Variants in ZKSCAN8 observed in about 807,000 individuals in gnomAD.
ZKSCAN8 encodes zinc finger with KRAB and SCAN domains 8.
ZKSCAN8 carries 27 observed loss-of-function variants against 57.2 expected under a neutral mutation model. The ratio of observed to expected loss-of-function variants is 0.47; its 90% CI spans 0.35 to 0.65. The LOEUF (loss-of-function observed/expected upper bound fraction) is 0.65. ZKSCAN8 is among the 30% of genes least tolerant of loss of function. ZKSCAN8 has a pLI of 0.01. For missense variants in ZKSCAN8, 597 were observed against 696.3 expected, an observed-to-expected ratio of 0.86 and a Z score of 1.60; for synonymous variants, 214 against 248.7, an observed-to-expected ratio of 0.86 and a Z score of 1.31.
rs1765742573 is a variant in ZKSCAN8, at chr6:28,155,153, ATATCCACAGTGGTAAT to A, written c.*1137_*1152del. The A allele has an allele frequency of 6.6e-6, 1 of 152,272 alleles. No individual in the cohort carries two copies. Among genetic ancestry groups the A allele is most frequent in the Non-Finnish European group, 1.5e-5 (1 of 68,008 alleles). The allele number at this position is 152,272 out of a possible 1,614,324, so 9.4% of individuals were successfully genotyped here. ...CTTGCCATTAGTTTATATGACTTTA[ATATCCACAGTGGTAAT>A]CTAATACCTTACCTCACAGGTTTTC... On this transcript the variant is annotated 3_prime_UTR_variant, in exon 6 of 6. Coordinates refer to ENST00000330236, the MANE Select transcript of ZKSCAN8 (RefSeq NM_006298.4).
At position 28,155,882 on chromosome 6, in the gene ZKSCAN8, G is replaced by C. The variant is rs1041488139; in HGVS notation, c.*1865G>C. 1 of 339,710 alleles carries C rather than the reference G, an allele frequency of 2.9e-6. No individual in the cohort carries two copies. Among genetic ancestry groups the C allele is most frequent in the Admixed American group, 4.8e-5 (1 of 20,978 alleles). 21.0% of individuals were successfully genotyped at this position (339,710 alleles called of 1,614,324 possible). A position where few individuals can be genotyped will look rare whatever the true frequency, so the allele number is the denominator to read the frequency against. On this transcript the variant is annotated 3_prime_UTR_variant, in exon 6 of 6. Transcript: ENST00000330236. ...TGGTGAATGAAGACACCCATCACTT[G>C]TCATGTTGGTTTCCAACAGTCCTTT...
At chr6:28,148,906 G>A in intron 2 of ZKSCAN8, 82 bp downstream of exon 2, 3 of 1,458,936 alleles carry the variant, frequency 2.1e-6, no homozygotes, top group Non-Finnish European at 2.8e-6. Flanking sequence ...CAGTGGGAGA[G>A]CAGATGCTTA....
In ZKSCAN8 at chr6:28,153,127, G is replaced by A. The variant is rs1450750511; in HGVS notation, c.847G>A (p.Gly283Arg). 12 of 1,614,190 alleles carry A rather than the reference G, an allele frequency of 7.4e-6. No individual in the cohort carries two copies. Among genetic ancestry groups the A allele is most frequent in the Non-Finnish European group, 1.0e-5 (12 of 1,180,042 alleles). The change falls in exon 6 of 6, where the codon GGA becomes AGA. Residue 283 changes from glycine (G) to arginine (R), a missense_variant. Coordinates refer to ENST00000330236, the MANE Select transcript of ZKSCAN8 (RefSeq NM_006298.4). ...AATATCTACTGGAATCCAGCCACAT[G>A]GAGAGACAGCTGCCAAATGCAACGG... ...QVISTGIQPHGETAAKCNGDV... is the reference protein window; with the variant it reads ...QVISTGIQPHRETAAKCNGDV...
intron 1 of ZKSCAN8, among the ~76,000 whole-genome samples, chr6:28,146,775 A>G (rs1765411871): frequency 6.6e-6 from 1 of 152,240 alleles, no homozygotes; most frequent in Non-Finnish European, 1.5e-5. Context: ...GTCAATAAAC[A>G]GAACAGAGAT....
intron 3 of ZKSCAN8, 132 bp from the exon 4 acceptor site, chr6:28,151,713 A>C: frequency 1.4e-6 from 1 of 693,860 alleles, no homozygotes; most frequent in Middle Eastern, 2.5e-4. Flanking sequence ...CCAAGATATC[A>C]GCACTTCATG....
chr6:28,144,133 C>G lies in ZKSCAN8; in HGVS notation c.-93+2104C>G, dbSNP rs1257878289. Among the ~76,000 whole-genome samples the G allele has an allele frequency of 6.6e-6, 1 of 152,184 alleles. No homozygotes were observed. The highest frequency in any genetic ancestry group is 1.5e-5 in the Non-Finnish European group (1 of 68,036). ...TCCACCCTGTTGTTCCCGGCCTTGTCTAACTTGAAAAATAATTTTCAAATT... is the reference window on the plus strand; with the variant it reads ...TCCACCCTGTTGTTCCCGGCCTTGTGTAACTTGAAAAATAATTTTCAAATT... On this transcript the variant is annotated intron_variant, in intron 1 of 5. Coordinates refer to ENST00000330236, the MANE Select transcript of ZKSCAN8 (RefSeq NM_006298.4). The surrounding 1 kb of genome is among the most constrained non-coding windows in gnomAD (Gnocchi z 4.5).
rs754037685 is a variant in ZKSCAN8 at position 28,151,926 on chromosome 6, C to A, written c.641C>A (p.Ala214Glu). 7.4e-6 allele frequency: 12 copies of A among 1,614,004 alleles called. No homozygotes were observed. In the South Asian group the frequency reaches 1.3e-4, roughly 18 times the overall value. Residue 214 changes from alanine to glutamate, a missense_variant, in exon 4 of 6, where the codon GCA (alanine) becomes GAA (glutamate). Transcript: ENST00000330236. ...DQEMTATLLTAGFQTLEKIED... is the reference protein window; with the variant it reads ...DQEMTATLLTEGFQTLEKIED... ...GAAATGACAGCTACACTTCTCACAG[C>A]AGGGTTCCAGGTGAGTTGTGCTCCT...
In ZKSCAN8 at chr6:28,153,197, TG is replaced by T; in HGVS notation, c.920del (p.Gly307AlafsTer3). On this transcript the variant is annotated frameshift_variant, in exon 6 of 6. Coordinates refer to ENST00000330236, the MANE Select transcript of ZKSCAN8 (RefSeq NM_006298.4). LOFTEE classifies it high-confidence loss of function. ...GLEHEEARDLLGRLERQRGNP... is the reference protein window; with the variant it reads ...GLEHEEARDLXGRLERQRGNP... Reference sequence around the variant, plus strand: ...GAGCATGAAGAAGCCCGAGACCTTCTGGGCAGATTAGAGAGGCAGCGGGGAA... The same window carrying T: ...GAGCATGAAGAAGCCCGAGACCTTCTGGCAGATTAGAGAGGCAGCGGGGAA... The T allele has an allele frequency of 5.0e-6, 8 of 1,614,174 alleles. No individual in the cohort carries two copies. Among genetic ancestry groups the T allele is most frequent in the Non-Finnish European group, 6.8e-6 (8 of 1,180,028 alleles).
At position 28,153,823 on chromosome 6, in the gene ZKSCAN8, GA is replaced by G; in HGVS notation, c.1546del (p.Arg516AspfsTer22). ...LIEHQRIHTG[E>X]RPYKCKECGK... ...TGAACATCAGAGAATCCACACTGGA[GA>G]AAGACCCTATAAATGTAAAGAATGT... On this transcript the variant is annotated frameshift_variant, in exon 6 of 6. Transcript: ENST00000330236. LOFTEE classifies it high-confidence loss of function. 1 of 1,614,112 alleles carries G rather than the reference GA, an allele frequency of 6.2e-7. No individual in the cohort carries two copies. Among genetic ancestry groups the G allele is most frequent in the Non-Finnish European group, 8.5e-7 (1 of 1,179,986 alleles).
intron 1 of ZKSCAN8, among the ~76,000 whole-genome samples, chr6:28,145,790 CTGTG>C (rs1765374847): frequency 6.6e-6 from 1 of 152,200 alleles, no homozygotes; most frequent in Non-Finnish European, 1.5e-5. Flanking sequence ...GAGTCTGTCT[CTGTG>C]TCTTTTTTCC....
intron 3 of ZKSCAN8, among the ~76,000 whole-genome samples, chr6:28,150,601 A>G (rs1400109592): frequency 6.6e-6 from 1 of 152,120 alleles, no homozygotes; most frequent in Non-Finnish European, 1.5e-5. Flanking sequence ...CTAAAACACT[A>G]GTTTTAGTGT....
In ZKSCAN8 at chr6:28,148,347, T is replaced by C; in HGVS notation, c.-61T>C. On this transcript the variant is annotated 5_prime_UTR_variant, in exon 2 of 6. Coordinates refer to ENST00000330236, the MANE Select transcript of ZKSCAN8 (RefSeq NM_006298.4). ...CCTTAGAAAGAGGCCCTCAGAAGAG[T>C]CTTCTCTTAAGAAGATAAAGAAGGT... 1 of 1,528,070 alleles carries C rather than the reference T, an allele frequency of 6.5e-7. No individual in the cohort carries two copies. The highest frequency in any genetic ancestry group is 1.3e-5 in the South Asian group (1 of 78,414). The allele number at this position is 1,528,070 out of a possible 1,614,324, so 94.7% of individuals were successfully genotyped here.
chr6:28,152,920 G>T, intron 5 of ZKSCAN8, 136 bp from the exon 6 acceptor site: 1 of 1,222,340 alleles, frequency 8.2e-7, no homozygotes, highest in Non-Finnish European at 1.1e-6. Context: ...AAGCTATTTT[G>T]GAGACAGAAG....
intron 3 of ZKSCAN8, among the ~76,000 whole-genome samples, chr6:28,151,194 G>GT (rs1233703791): frequency 2.6e-5 from 4 of 151,896 alleles, no homozygotes; most frequent in African/African-American, 9.7e-5. Flanking sequence ...TTTTCCCATT[G>GT]TTTTTTTGAG....
chr6:28,153,353 C>A lies in ZKSCAN8; in HGVS notation c.1073C>A (p.Ala358Asp). 6.2e-7 allele frequency: 1 copy of A among 1,614,008 alleles called. No individual in the cohort carries two copies. The highest frequency in any genetic ancestry group is 8.5e-7 in the Non-Finnish European group (1 of 1,179,988). ...KPYQCNVCGK[A>D]FSYRSALLSH... ...TATCAGTGTAATGTGTGTGGTAAAGCCTTCAGTTACAGGTCAGCCCTTCTT... is the reference window on the plus strand; with the variant it reads ...TATCAGTGTAATGTGTGTGGTAAAGACTTCAGTTACAGGTCAGCCCTTCTT... The change falls in exon 6 of 6, where the codon GCC (alanine) becomes GAC (aspartate). Residue 358 changes from alanine to aspartate, a missense_variant. Physicochemically the swap from Ala to Asp is moderately radical, Grantham distance 126 (BLOSUM62 -2). Transcript: ENST00000330236.
Position 28,153,977 on chromosome 6 carries a change from G to A in ZKSCAN8, c.1697G>A (p.Arg566Lys). 1 of 1,610,188 alleles carries A rather than the reference G, an allele frequency of 6.2e-7. No individual in the cohort carries two copies. Among genetic ancestry groups the A allele is most frequent in the Non-Finnish European group, 8.5e-7 (1 of 1,178,574 alleles). The change falls in exon 6 of 6, where the codon AGA becomes AAA. Residue 566 changes from arginine (R) to lysine (K), a missense_variant. By Grantham distance (26) the Arg-to-Lys change is conservative. Transcript: ENST00000330236. ...AGGTCAAGTCTCATTCGACATCAGA[G>A]AATCCACAGTGGTGAAAAATCTGAA... ...IQRSSLIRHQRIHSGEKSESI... is the reference protein window; with the variant it reads ...IQRSSLIRHQKIHSGEKSESI...
chr6:28,153,768 G>A lies in ZKSCAN8; in HGVS notation c.1488G>A (p.Gly496=). ...AACCCTACAAATGCAATGAGTGTGG[G>A]AGGGCCTTCAGTCAGAAGTCAGGCC... ...GEKPYKCNEC[G]RAFSQKSGLI... The change falls in exon 6 of 6, where the codon GGG becomes GGA. Residue 496 remains glycine (G), a synonymous_variant. Transcript: ENST00000330236. 1.2e-6 allele frequency: 2 copies of A among 1,613,856 alleles called. No homozygotes were observed. The highest frequency in any genetic ancestry group is 1.7e-6 in the Non-Finnish European group (2 of 1,179,878).
In ZKSCAN8 at chr6:28,148,396, T is replaced by C. The variant is rs1581521980; in HGVS notation, c.-12T>C. On this transcript the variant is annotated 5_prime_UTR_variant, in exon 2 of 6. Transcript: ENST00000330236. ...GTAGTGGAAACGAACTTCCTGAGCT[T>C]TTCAGGCTCTAATGGCTGAAGAATC... is the stretch of plus-strand genomic sequence containing the variant. The C allele has an allele frequency of 1.2e-6, 2 of 1,601,900 alleles. No individual in the cohort carries two copies. Among genetic ancestry groups the C allele is most frequent in the Admixed American group, 1.7e-5 (1 of 58,268 alleles).
intron 1 of ZKSCAN8, among the ~76,000 whole-genome samples, chr6:28,143,246 A>T (rs1194295254): frequency 1.3e-5 from 2 of 152,216 alleles, no homozygotes; most frequent in Non-Finnish European, 2.9e-5. Flanking sequence ...TCAGTTATTT[A>T]TAGGTTGTAA....
Sources: gnomAD v4.1 joint callset for allele counts (sites outside exome capture counted in the v4.1 genomes callset) on GRCh38, gnomAD v4.1.1 for gene constraint, Gnocchi (gnomAD v3.1) non-coding constraint, MANE v1.5 for transcripts, NCBI Gene and HGNC (gene_info 2026-07-23, HGNC 2026-07-21) for gene names.